The following M1AP variants were observed in gnomAD, a reference collection of about 807,000 sequenced individuals.
The protein encoded by M1AP is meiosis 1 arrest protein.
Under a neutral mutation model 51.2 loss-of-function variants are expected in M1AP, and 39 were observed. The observed-to-expected ratio is 0.76, with a 90% CI of 0.59 to 1.00. M1AP has a LOEUF of 1.00. Among genes scored for constraint, M1AP ranks in the 50% least tolerant of loss-of-function variants. The pLI, the probability that M1AP is intolerant of heterozygous loss-of-function variation, is 0.00. For synonymous variants in M1AP, 251 were observed against 249.2 expected (o/e 1.01, Z -0.07); for missense variants, 545 against 641.2 (o/e 0.85, Z 1.62).
At chr2:74,569,555 A>C (rs968532793) in intron 7 of M1AP, among the ~76,000 whole-genome samples, 8 of 151,810 alleles carry the variant, frequency 5.3e-5, no homozygotes, top group African/African-American at 1.7e-4. Context: ...TTGTATTTTT[A>C]GTAGAGATGA....
chr2:74,561,220 G>GAGGAGGAGA (rs1677973151), intron 8 of M1AP, among the ~76,000 whole-genome samples: 3 of 127,452 alleles, frequency 2.4e-5, no homozygotes, highest in African/African-American at 9.8e-5. Flanking sequence ...GGAGGAGAAG[G>GAGGAGGAGA]AGGAGGAGGA....
intron 1 of M1AP, among the ~76,000 whole-genome samples, 157 bp from the exon 2 acceptor site, chr2:74,640,484 CAG>C (rs1683232713): frequency 1.4e-5 from 2 of 138,694 alleles, no homozygotes; most frequent in Admixed American, 7.4e-5. Context: ...TTTTTTGAGA[CAG>C]AGTCTCGGTA....
intron 7 of M1AP, among the ~76,000 whole-genome samples, chr2:74,565,852 C>T (rs1381344324): frequency 6.6e-6 from 1 of 151,710 alleles, no homozygotes; most frequent in Non-Finnish European, 1.5e-5. Flanking sequence ...CACACACACA[C>T]ACACACACAC....
chr2:74,575,609 C>T (rs1200771439), intron 6 of M1AP, 30 bp from the exon 7 acceptor site: 3 of 1,565,908 alleles, frequency 1.9e-6, no homozygotes, highest in Non-Finnish European at 2.6e-6. Flanking sequence ...GTCAAAGACT[C>T]CTTAGTGATA....
intron 7 of M1AP, among the ~76,000 whole-genome samples, chr2:74,567,129 AATTTT>A (rs1320333013): frequency 2.0e-5 from 3 of 152,242 alleles, no homozygotes; most frequent in African/African-American, 7.2e-5. Context: ...GGAAAAAATT[AATTTT>A]ATTTATATAT....
rs201372018 is a variant in M1AP, at chr2:74,607,754, G to GT, written c.427-532dup. ...CTCCCAGAGTGCTGGGATTACAGGC[G>GT]TGAGCCACCATGACTGGCCACTGTA... On this transcript the variant is annotated intron_variant, in intron 3 of 10. Coordinates refer to ENST00000421985, the MANE Select transcript of M1AP (RefSeq NM_001321739.2). Among the ~76,000 whole-genome samples, 31 of 152,322 alleles carry GT rather than the reference G, an allele frequency of 2.0e-4. 1 individual carries two copies. In the East Asian group the frequency reaches 6.0e-3, roughly 29 times the overall value.
At chr2:74,613,309 GT>G (rs547954363) in intron 3 of M1AP, among the ~76,000 whole-genome samples, 2 of 152,154 alleles carry the variant, frequency 1.3e-5, no homozygotes, top group Admixed American at 1.3e-4. Flanking sequence ...TTCAAACTGT[GT>G]TTTTTTGTCT....
intron 7 of M1AP, among the ~76,000 whole-genome samples, chr2:74,566,813 C>T (rs2104528395): frequency 6.6e-6 from 1 of 152,302 alleles, no homozygotes; most frequent in Non-Finnish European, 1.5e-5. Flanking sequence ...GGCTCATTGC[C>T]TGTGTACTTA....
intron 2 of M1AP, among the ~76,000 whole-genome samples, chr2:74,616,192 T>C (rs1681657365): frequency 6.6e-6 from 1 of 152,228 alleles, no homozygotes; most frequent in Non-Finnish European, 1.5e-5. Flanking sequence ...ACCACAGGTG[T>C]AGCCTAGTAG....
chr2:74,615,711 A>T (rs1681627440), intron 2 of M1AP: 1 of 153,260 alleles, frequency 6.5e-6, no homozygotes, highest in Non-Finnish European at 1.5e-5. Context: ...AACCGAGACA[A>T]GCGACCTTTT....
intron 5 of M1AP, among the ~76,000 whole-genome samples, chr2:74,580,366 A>G (rs3025972): frequency 6.6e-6 from 1 of 152,202 alleles, no homozygotes; most frequent in Non-Finnish European, 1.5e-5. Context: ...GACAGGGAGA[A>G]ATTGGTACTA....
chr2:74,559,760 C>T, intron 9 of M1AP, 51 bp from the exon 10 acceptor site: 2 of 717,308 alleles, frequency 2.8e-6, no homozygotes, highest in Non-Finnish European at 5.2e-6. Context: ...ATCATAAAAC[C>T]TGGCAAATGA....
chr2:74,622,539 C>G (rs895150526), intron 2 of M1AP, among the ~76,000 whole-genome samples: 1 of 140,984 alleles, frequency 7.1e-6, no homozygotes, highest in East Asian at 2.3e-4. Flanking sequence ...CCGGCCATTG[C>G]CTGCTTTTTT....
chr2:74,570,095 T>C (rs1325174620), intron 7 of M1AP, among the ~76,000 whole-genome samples: 4 of 152,164 alleles, frequency 2.6e-5, no homozygotes, highest in Non-Finnish European at 4.4e-5. Flanking sequence ...TGCTTCCATA[T>C]ATGCCATTTG....
chr2:74,604,021 T>A (rs1030699448), intron 4 of M1AP, among the ~76,000 whole-genome samples: 17 of 152,332 alleles, frequency 1.1e-4, no homozygotes, highest in Admixed American at 2.6e-4. Context: ...GAATTAAAAC[T>A]GGTCCCAAAG....
chr2:74,613,943 C>G (rs750310932), intron 3 of M1AP, among the ~76,000 whole-genome samples: 13 of 152,190 alleles, frequency 8.5e-5, no homozygotes, highest in Non-Finnish European at 1.6e-4. Context: ...TGCACACCAC[C>G]AAGCCTGGCT....
In M1AP at chr2:74,558,551, G is replaced by T; in HGVS notation, c.*165C>A. 1.4e-6 allele frequency: 1 copy of T among 702,118 alleles called. No individual in the cohort carries two copies. 43.5% of individuals were successfully genotyped at this position (702,118 alleles called of 1,614,324 possible). A position where few individuals can be genotyped will look rare whatever the true frequency, so the allele number is the denominator to read the frequency against. ...CGGGTGTGTCGCTTCCAGACTTGAG[G>T]AGTGGGACAGCACTGAAACAGGACA... On this transcript the variant is annotated 3_prime_UTR_variant, in exon 11 of 11. Coordinates refer to ENST00000421985, the MANE Select transcript of M1AP (RefSeq NM_001321739.2).
chr2:74,620,921 C>A, intron 2 of M1AP: 1 of 179,046 alleles, frequency 5.6e-6, no homozygotes. Context: ...GTCCAAACAG[C>A]TTCTCCTTCA....
chr2:74,615,928 G>C (rs969948585), intron 2 of M1AP: 1 of 152,240 alleles, frequency 6.6e-6, no homozygotes, highest in African/African-American at 2.4e-5. Context: ...ACACCTTCCT[G>C]ACCATAGAGC....
Sources: allele counts gnomAD v4.1 joint callset (sites outside exome capture counted in the v4.1 genomes callset), GRCh38; gene constraint gnomAD v4.1.1; transcripts MANE v1.5; gene names NCBI Gene and HGNC (gene_info 2026-07-23, HGNC 2026-07-21).